The following DST variants were observed in gnomAD, a reference collection of about 807,000 sequenced individuals.
The protein encoded by DST is bullous pemphigoid antigen.
A neutral mutation model predicts 875.2 loss-of-function variants in DST; 253 were observed. That is an observed-to-expected ratio of 0.29 (90% CI 0.26 to 0.32). The LOEUF (loss-of-function observed/expected upper bound fraction) is 0.32, where lower values mean the gene tolerates loss of function less well. DST is among the 10% of genes least tolerant of loss of function. The pLI, the probability that DST is intolerant of heterozygous loss-of-function variation, is 1.00. For synonymous variants in DST, 3,124 were observed against 3,197.1 expected (o/e 0.98, Z 0.77); for missense variants, 8,287 against 9,111.6 (o/e 0.91, Z 3.68).
chr6:56,788,128 CAA>C (rs781369739), intron 4 of DST, among the ~76,000 whole-genome samples: 417 of 26,484 alleles, frequency 0.016, no homozygotes, highest in Non-Finnish European at 0.021. Flanking sequence ...GACTCCGTCT[CAA>C]AAAAAAAAAA....
rs541894199 is a variant in DST at position 56,952,914 on chromosome 6, TAA to T, written c.216+869_216+870del. Among the ~76,000 whole-genome samples, 21 of 152,354 alleles carry T rather than the reference TAA, an allele frequency of 1.4e-4. No individual in the cohort carries two copies. In the South Asian group the frequency reaches 4.3e-3, roughly 32 times the overall value. On this transcript the variant is annotated intron_variant, in intron 2 of 103. Coordinates refer to ENST00000680361, the MANE Select transcript of DST (RefSeq NM_001374736.1). ...TTTAATGATATTGCAATAATACAGT[TAA>T]AGTTTTTAAGCAACTAGAACCCAAT...
At chr6:56,914,825 A>C (rs1194054596) in intron 2 of DST, among the ~76,000 whole-genome samples, 1 of 152,266 alleles carries the variant, frequency 6.6e-6, no homozygotes, top group Non-Finnish European at 1.5e-5. Flanking sequence ...GGCAATATAC[A>C]CATCAAAAAC....
At chr6:56,883,325 ATTTG>A (rs1481607324) in intron 3 of DST, among the ~76,000 whole-genome samples, 2 of 152,220 alleles carry the variant, frequency 1.3e-5, no homozygotes, top group African/African-American at 4.8e-5. Context: ...ATTTTATATT[ATTTG>A]TTTAAGTTTT....
intron 3 of DST, among the ~76,000 whole-genome samples, chr6:56,865,395 G>T (rs1416472159): frequency 6.6e-6 from 1 of 151,966 alleles, no homozygotes; most frequent in African/African-American, 2.4e-5. Context: ...TCACTGTGTG[G>T]TGGTGAGATC....
At chr6:56,898,565 G>A (rs1792562002) in intron 3 of DST, among the ~76,000 whole-genome samples, 1 of 152,172 alleles carries the variant, frequency 6.6e-6, no homozygotes, top group Non-Finnish European at 1.5e-5. Flanking sequence ...TTCAACTGAT[G>A]CCTATTACAC....
chr6:56,645,959 T>C lies in DST; in HGVS notation c.1685A>G (p.Gln562Arg), dbSNP rs1269991700. The change falls in exon 15 of 104, where the codon CAA (glutamine) becomes CGA (arginine). Residue 562 changes from glutamine (Q) to arginine (R), a missense_variant. Transcript: ENST00000680361. ...TTCTATGTCATTTGGATGATAACCTTGAAGGAGCTTGATGCGTCCAAATTC... is the reference window on the plus strand; with the variant it reads ...TTCTATGTCATTTGGATGATAACCTCGAAGGAGCTTGATGCGTCCAAATTC... ...WIEFGRIKLL[Q>R]GYHPNDIEKE... The C allele has an allele frequency of 6.2e-7, 1 of 1,613,610 alleles. No homozygotes were observed. The highest frequency in any genetic ancestry group is 1.3e-5 in the African/African-American group (1 of 74,894).
chr6:56,639,632 A>AT (rs1486436917), intron 20 of DST, 21 bp from the exon 21 acceptor site: 2 of 1,613,770 alleles, frequency 1.2e-6, no homozygotes, highest in Non-Finnish European at 1.7e-6. Context: ...GAAAATCATC[A>AT]TAAGAATCAT....
At chr6:56,693,477 G>A (rs1263902740) in intron 9 of DST, 1 of 858,972 alleles carries the variant, frequency 1.2e-6, no homozygotes, top group Non-Finnish European at 1.4e-6. Flanking sequence ...TGTATGAGAA[G>A]ATTATGACTG....
chr6:56,884,815 G>A (rs865949073), intron 3 of DST, among the ~76,000 whole-genome samples: 24 of 151,806 alleles, frequency 1.6e-4, no homozygotes, highest in Admixed American at 5.9e-4. Flanking sequence ...TGCAAGCTCC[G>A]CCTCCCAGGT....
At chr6:56,619,749 G>A (rs1395613421) in intron 36 of DST, 1 of 1,613,998 alleles carries the variant, frequency 6.2e-7, no homozygotes, top group African/African-American at 1.3e-5. Context: ...TTCTCCGCCT[G>A]ATCCTTCCTT....
At chr6:56,573,203 C>T in intron 51 of DST, 139 bp from the exon 52 acceptor site, 1 of 724,594 alleles carries the variant, frequency 1.4e-6, no homozygotes, top group Non-Finnish European at 2.2e-6. Context: ...AACTGAATGA[C>T]AAGTTTGGTC....
rs988447637 is a variant in DST, at chr6:56,572,258, A to C, written c.13563T>G (p.Thr4521=). 9 of 1,556,878 alleles carry C rather than the reference A, an allele frequency of 5.8e-6. 1 individual carries two copies. In the Admixed American group the frequency reaches 9.3e-5, roughly 16 times the overall value. ...TELSQYMQES[T]SEFLEHKKHL... is the part of the protein sequence containing the mutation. ...GTTTCTTGTGTTCTAAAAATTCAGA[A>C]GTTGATTCCTACAAAGCATTAAGAT... The change falls in exon 53 of 104, where the codon ACT becomes ACG. Residue 4521 remains threonine, a synonymous_variant. Transcript: ENST00000680361.
At chr6:56,953,692 G>T in intron 2 of DST, 93 bp downstream of exon 2, 1 of 912,964 alleles carries the variant, frequency 1.1e-6, no homozygotes, top group Non-Finnish European at 1.5e-6. Flanking sequence ...GTCATTCAGT[G>T]TCCTACTGGT....
At chr6:56,471,995 G>A (rs770837797) in intron 94 of DST, 64 bp downstream of exon 94, 1 of 1,527,556 alleles carries the variant, frequency 6.5e-7, no homozygotes, top group Non-Finnish European at 9.1e-7. Context: ...TTTTGGCAAT[G>A]GCAATGTGTT....
chr6:56,653,991 C>A (rs568052689), intron 10 of DST, among the ~76,000 whole-genome samples: 4 of 152,168 alleles, frequency 2.6e-5, no homozygotes, highest in Non-Finnish European at 5.9e-5. Context: ...GGAATGTTAA[C>A]AGGAAATGTC....
chr6:56,586,889 T>A (rs910056871), intron 49 of DST, among the ~76,000 whole-genome samples: 2 of 152,090 alleles, frequency 1.3e-5, no homozygotes, highest in African/African-American at 2.4e-5. Flanking sequence ...AGAAAGGACA[T>A]CCACACCAAA....
At chr6:56,596,271 C>G (rs1458026565) in intron 47 of DST, among the ~76,000 whole-genome samples, 2 of 152,104 alleles carry the variant, frequency 1.3e-5, no homozygotes, top group African/African-American at 4.8e-5. Context: ...TTGTGATCCA[C>G]CCGCCTCAGC....
At chr6:56,526,665 G>A (rs1032307611) in intron 68 of DST, 98 bp from the exon 69 acceptor site, 48 of 1,096,060 alleles carry the variant, frequency 4.4e-5, no homozygotes, top group Non-Finnish European at 5.3e-5. Flanking sequence ...CGAATAATGT[G>A]ATGCTTTGCC....
rs1268195465 is a variant in DST, at chr6:56,525,657, G to A, written c.18129+704C>T. On this transcript the variant is annotated intron_variant, in intron 69 of 103. Coordinates refer to ENST00000680361, the MANE Select transcript of DST (RefSeq NM_001374736.1). ...CATACTACCCCCACACATAAACTTT[G>A]TAGTAACTGTGATGACTTAATATAA... Among the ~76,000 whole-genome samples, 3 of 152,154 alleles carry A rather than the reference G, an allele frequency of 2.0e-5. No individual in the cohort carries two copies. The East Asian group carries it at 5.8e-4, about 29-fold the overall frequency.
Sources: gnomAD v4.1 joint callset for allele counts (sites outside exome capture counted in the v4.1 genomes callset) on GRCh38, gnomAD v4.1.1 for gene constraint, MANE v1.5 for transcripts, NCBI Gene and HGNC (gene_info 2026-07-23, HGNC 2026-07-21) for gene names.